OSBP: variants seen among roughly 807,000 people sequenced by gnomAD.
OSBP encodes oxysterol-binding protein 1.
In OSBP, 32 loss-of-function variants were observed where a neutral mutation model predicts 96.6. The ratio of observed to expected loss-of-function variants is 0.33; its 90% CI spans 0.25 to 0.45. The LOEUF (loss-of-function observed/expected upper bound fraction) is 0.45. Among genes scored for constraint, OSBP ranks in the 20% least tolerant of loss-of-function variants. The pLI is 1.00. For synonymous variants in OSBP, 369 were observed against 389.6 expected, an observed-to-expected ratio of 0.95 and a Z score of 0.62; for missense variants, 653 against 1,029.7, an observed-to-expected ratio of 0.63 and a Z score of 5.01.
intron 4 of OSBP, 32 bp from the exon 5 acceptor site, chr11:59,601,417 T>A: frequency 3.3e-6 from 5 of 1,496,732 alleles, no homozygotes; most frequent in Non-Finnish European, 3.7e-6. Context: ...TTGTTGACTT[T>A]GGTTATCTTT....
At chr11:59,585,550 G>T (rs1248518304) in intron 9 of OSBP, among the ~76,000 whole-genome samples, 1 of 151,140 alleles carries the variant, frequency 6.6e-6, no homozygotes, top group Non-Finnish European at 1.5e-5. Context: ...GGTTGGGGGG[G>T]TCAGCCCCCC....
chr11:59,608,709 G>C lies in OSBP; in HGVS notation c.597C>G (p.Val199=), dbSNP rs375100762. ...GCAGCTCAGTCTTGTCAGTTTGTGAGACAGACTCTTCATCTCCTGATTCAT... is the reference window on the plus strand; with the variant it reads ...GCAGCTCAGTCTTGTCAGTTTGTGACACAGACTCTTCATCTCCTGATTCAT... ...ESDESGDEES[V]SQTDKTELQN... The change falls in exon 3 of 14, where the codon GTC becomes GTG. Residue 199 remains valine, a synonymous_variant. Coordinates refer to ENST00000263847, the MANE Select transcript of OSBP (RefSeq NM_002556.3). The C allele has an allele frequency of 3.5e-5, 56 of 1,613,944 alleles. No individual in the cohort carries two copies. The African/African-American group carries it at 7.2e-4, about 21-fold the overall frequency.
intron 12 of OSBP, among the ~76,000 whole-genome samples, chr11:59,577,722 C>T (rs968107548): frequency 3.2e-4 from 49 of 152,340 alleles, no homozygotes; most frequent in African/African-American, 1.2e-3. Context: ...AACTCCTAAT[C>T]ACAAGTGATC....
chr11:59,595,643 A>G (rs1001197222), intron 7 of OSBP, among the ~76,000 whole-genome samples: 3 of 152,186 alleles, frequency 2.0e-5, no homozygotes, highest in African/African-American at 4.8e-5. Context: ...ATACATTTTT[A>G]AAAGTAATAA....
intron 7 of OSBP, among the ~76,000 whole-genome samples, chr11:59,599,850 G>A (rs774230982): frequency 7.2e-5 from 11 of 152,158 alleles, no homozygotes; most frequent in Admixed American, 5.2e-4. Context: ...GTAGAGCCTC[G>A]CCCATGGGGA....
In OSBP at chr11:59,577,064, G is replaced by C. The variant is rs552331750; in HGVS notation, c.2061-39C>G. 7.3e-5 allele frequency: 114 copies of C among 1,554,752 alleles called. No individual in the cohort carries two copies. The South Asian group carries it at 1.2e-3, about 16-fold the overall frequency. On this transcript the variant is annotated intron_variant, in intron 12 of 13. Coordinates refer to ENST00000263847, the MANE Select transcript of OSBP (RefSeq NM_002556.3). ...ACAAGAAAAAGAAATGGTAATCCCA[G>C]AGCCCAGACCCTATTTAAAGAGCAA...
chr11:59,594,314 A>G, intron 7 of OSBP, 59 bp from the exon 8 acceptor site: 1 of 1,552,172 alleles, frequency 6.4e-7, no homozygotes, highest in Non-Finnish European at 8.8e-7. Context: ...AGACAGTTTA[A>G]TTTTTTTTGC....
In OSBP at chr11:59,576,362, G is replaced by C; in HGVS notation, c.*215C>G. On this transcript the variant is annotated 3_prime_UTR_variant, in exon 14 of 14. Coordinates refer to ENST00000263847, the MANE Select transcript of OSBP (RefSeq NM_002556.3). The stretch of plus-strand genomic sequence containing the variant: ...ACTAAACCTCTCCCTTACAGACATA[G>C]TATCTCCTATGTCGATTTCAGTTTC... 1.8e-6 allele frequency: 1 copy of C among 556,768 alleles called. No individual in the cohort carries two copies. Among genetic ancestry groups the C allele is most frequent in the South Asian group, 2.5e-5 (1 of 40,030 alleles). 34.5% of individuals were successfully genotyped at this position (556,768 alleles called of 1,614,324 possible).
chr11:59,577,542 G>C (rs1385124157), intron 12 of OSBP, among the ~76,000 whole-genome samples: 1 of 152,024 alleles, frequency 6.6e-6, no homozygotes, highest in African/African-American at 2.4e-5. Context: ...GCCTAGGCTG[G>C]AGTGCAGTGG....
At chr11:59,606,656 T>C (rs1169415013) in intron 3 of OSBP, among the ~76,000 whole-genome samples, 1 of 152,206 alleles carries the variant, frequency 6.6e-6, no homozygotes, top group Non-Finnish European at 1.5e-5. Context: ...GTAACAAACC[T>C]GCACACGTGC....
chr11:59,602,801 G>A (rs1457111489), intron 3 of OSBP, among the ~76,000 whole-genome samples: 1 of 152,154 alleles, frequency 6.6e-6, no homozygotes, highest in Non-Finnish European at 1.5e-5. Flanking sequence ...TTTGTATTTT[G>A]TAGAGATGGA....
Position 59,576,805 on chromosome 11 carries a change from C to A in OSBP, c.2281G>T (p.Gly761Cys). ...EAEAMKATED[G>C]TPYDPYKALW... The stretch of plus-strand genomic sequence containing the variant: ...GAAGAGTAGAAGGGAAGTTCATTAC[C>A]ATCCTCTGTGGCTTTCATAGCTTCC... The change falls in exon 13 of 14, where the codon GGC becomes TGC. Residue 761 changes from glycine (G) to cysteine (C), a missense_variant and splice_region_variant. Coordinates refer to ENST00000263847, the MANE Select transcript of OSBP (RefSeq NM_002556.3). 6.2e-7 allele frequency: 1 copy of A among 1,613,884 alleles called. No individual in the cohort carries two copies. Among genetic ancestry groups the A allele is most frequent in the Non-Finnish European group, 8.5e-7 (1 of 1,179,978 alleles).
At chr11:59,603,476 G>A (rs7949552) in intron 3 of OSBP, among the ~76,000 whole-genome samples, 4,086 of 151,110 alleles carry the variant, frequency 0.027, 178 homozygotes, top group African/African-American at 0.094. Context: ...CCTATTCAAC[G>A]GCTCAAAGTA....
rs759212207 is a variant in OSBP at position 59,578,130 on chromosome 11, C to G, written c.2060+19G>C. The G allele has an allele frequency of 6.2e-7, 1 of 1,612,422 alleles. No individual in the cohort carries two copies. Among genetic ancestry groups the G allele is most frequent in the East Asian group, 2.2e-5 (1 of 44,870 alleles). On this transcript the variant is annotated intron_variant, in intron 12 of 13. Coordinates refer to ENST00000263847, the MANE Select transcript of OSBP (RefSeq NM_002556.3). ...CAAGGTCAAAGTGGTATCTGGGCAG[C>G]ATGCATGCTGATACTCACGGTAAAG...
chr11:59,589,288 C>T (rs1172878307), intron 9 of OSBP, among the ~76,000 whole-genome samples: 2 of 148,578 alleles, frequency 1.3e-5, no homozygotes, highest in Non-Finnish European at 3.0e-5. Flanking sequence ...GCATCTGTGC[C>T]AATAGTCTTA....
At chr11:59,582,890 T>G (rs1590667755) in intron 9 of OSBP, among the ~76,000 whole-genome samples, 1 of 152,338 alleles carries the variant, frequency 6.6e-6, no homozygotes, top group Non-Finnish European at 1.5e-5. Context: ...ATAAAATGCT[T>G]GAAACATATA....
chr11:59,613,231 T>C (rs1010476811), intron 1 of OSBP, among the ~76,000 whole-genome samples: 3 of 152,348 alleles, frequency 2.0e-5, no homozygotes, highest in Admixed American at 6.5e-5. Flanking sequence ...TGGGACCACC[T>C]AAGTTGACTA....
intron 8 of OSBP, 31 bp downstream of exon 8, chr11:59,593,979 G>T (rs1860617403): frequency 6.2e-7 from 1 of 1,606,922 alleles, no homozygotes; most frequent in Non-Finnish European, 8.5e-7. Context: ...CTTCAGAAAG[G>T]AAATGCGTTA....
rs925162428 is a variant in OSBP, at chr11:59,577,021, T to G, written c.2065A>C (p.Asn689His). 1.9e-6 allele frequency: 3 copies of G among 1,611,050 alleles called. No homozygotes were observed. Among genetic ancestry groups the G allele is most frequent in the Non-Finnish European group, 2.5e-6 (3 of 1,179,056 alleles). Residue 689 changes from asparagine (N) to histidine (H), a missense_variant, in exon 13 of 14, where the codon AAT becomes CAT. By Grantham distance (68) the Asn-to-His change is moderately conservative. Transcript: ENST00000263847. ...MLWKRNPLPK[N>H]AENMYYFSEL... ...GAGAAGTAGTACATGTTTTCTGCATTCTTCCTAAAAGTAGAAGACAAGAAA... is the reference window on the plus strand; with the variant it reads ...GAGAAGTAGTACATGTTTTCTGCATGCTTCCTAAAAGTAGAAGACAAGAAA...
Sources: allele counts gnomAD v4.1 joint callset (sites outside exome capture counted in the v4.1 genomes callset), GRCh38; gene constraint gnomAD v4.1.1; transcripts MANE v1.5; gene names NCBI Gene and HGNC (gene_info 2026-07-23, HGNC 2026-07-21).